SLCO1C1: variants seen among roughly 807,000 people sequenced by gnomAD.
SLCO1C1 encodes OAT-RP-5.
A neutral mutation model predicts 76.4 loss-of-function variants in SLCO1C1; 70 were observed. The observed-to-expected ratio is 0.92, with a 90% CI of 0.76 to 1.12. The LOEUF is 1.12. Ranked by LOEUF, SLCO1C1 falls within the 50% of genes most tolerant of loss-of-function variation. The probability of loss-of-function intolerance (pLI) is 0.00; values close to 1 mark genes in which losing one functional copy is unlikely to be tolerated. For synonymous variants in SLCO1C1, 306 were observed against 286.1 expected (o/e 1.07, Z -0.70); for missense variants, 912 against 823.8 (o/e 1.11, Z -1.31).
intron 14 of SLCO1C1, 195 bp downstream of exon 14, chr12:20,750,987 T>A (rs1949277777): frequency 2.0e-6 from 2 of 1,018,782 alleles, no homozygotes; most frequent in East Asian, 5.3e-5. Flanking sequence ...CCCTATTCAT[T>A]ACCTTGACCC....
chr12:20,711,507 A>G lies in SLCO1C1; in HGVS notation c.526A>G (p.Asn176Asp). 2 of 1,613,518 alleles carry G rather than the reference A, an allele frequency of 1.2e-6. No homozygotes were observed. Among genetic ancestry groups the G allele is most frequent in the Non-Finnish European group, 1.7e-6 (2 of 1,179,764 alleles). The change falls in exon 5 of 15, where the codon AAC (asparagine) becomes GAC (aspartate). Residue 176 changes from asparagine (N) to aspartate (D), a missense_variant. Asn to Asp is a conservative substitution (Grantham distance 23). Coordinates refer to ENST00000266509, the MANE Select transcript of SLCO1C1 (RefSeq NM_017435.5). Reference protein sequence around the residue: ...VMEKSKSKISNECEVDTSSSM... With the variant: ...VMEKSKSKISDECEVDTSSSM... The stretch of plus-strand genomic sequence containing the variant: ...GGAAAAATCAAAATCCAAAATAAGT[A>G]ACGGTAAGATCATTTTTTTGACTTG...
At chr12:20,750,865 C>G in intron 14 of SLCO1C1, 73 bp downstream of exon 14, 1 of 1,613,854 alleles carries the variant, frequency 6.2e-7, no homozygotes, top group Admixed American at 1.7e-5. Context: ...CTGACACTAA[C>G]AAGTTTTCAT....
rs73085073 is a variant in SLCO1C1, at chr12:20,723,051, C to T, written c.1022-39C>T. The T allele has an allele frequency of 6.8e-3, 10,703 of 1,569,240 alleles. 53 individuals are homozygous for T. Among genetic ancestry groups the T allele is most frequent in the Non-Finnish European group, 8.3e-3 (9,583 of 1,151,454 alleles). ...CGGCTACTTCTTCTTCCATGCGTGA[C>T]ACCAACTTTAATTAGTCTATGTTAT... On this transcript the variant is annotated intron_variant, in intron 8 of 14. Transcript: ENST00000266509.
intron 10 of SLCO1C1, among the ~76,000 whole-genome samples, chr12:20,733,571 T>G (rs1799550522): frequency 6.6e-6 from 1 of 152,224 alleles, no homozygotes; most frequent in Admixed American, 6.5e-5. Context: ...AATGTGCCAT[T>G]CATGGAAACA....
chr12:20,702,483 T>A (rs770087589), intron 3 of SLCO1C1, among the ~76,000 whole-genome samples: 1 of 151,950 alleles, frequency 6.6e-6, no homozygotes, highest in Non-Finnish European at 1.5e-5. Context: ...TTTAAAAATC[T>A]TTTTTTAAAA....
chr12:20,720,005 T>C (rs917144128), intron 7 of SLCO1C1, among the ~76,000 whole-genome samples: 1 of 152,230 alleles, frequency 6.6e-6, no homozygotes, highest in African/African-American at 2.4e-5. Flanking sequence ...GGTGACTCTC[T>C]TGTTAGGGGC....
In SLCO1C1 at chr12:20,711,401, A is replaced by G. The variant is rs748780363; in HGVS notation, c.420A>G (p.Arg140=). The G allele has an allele frequency of 6.2e-7, 1 of 1,612,964 alleles. No individual in the cohort carries two copies. Reference sequence around the variant, plus strand: ...TCTTATGCAGGTACAAATATGAGAGATATTCTCCTTCCTCCAATTCCACTC... The same window carrying G: ...TCTTATGCAGGTACAAATATGAGAGGTATTCTCCTTCCTCCAATTCCACTC... ...QFFMEQYKYE[R]YSPSSNSTLS... The change falls in exon 5 of 15, where the codon AGA becomes AGG. Residue 140 remains arginine, a synonymous_variant. Coordinates refer to ENST00000266509, the MANE Select transcript of SLCO1C1 (RefSeq NM_017435.5).
At chr12:20,730,951 A>G (rs142671615) in intron 9 of SLCO1C1, among the ~76,000 whole-genome samples, 1 of 152,162 alleles carries the variant, frequency 6.6e-6, no homozygotes, top group Non-Finnish European at 1.5e-5. Flanking sequence ...CAGACTGGCA[A>G]CGCTTGCATT....
intron 5 of SLCO1C1, among the ~76,000 whole-genome samples, chr12:20,714,783 CTT>C (rs1368464957): frequency 6.6e-6 from 1 of 152,104 alleles, no homozygotes; most frequent in African/African-American, 2.4e-5. Flanking sequence ...GTGAGAAAGA[CTT>C]TGTTCAAAAT....
chr12:20,740,722 T>A (rs904883390), intron 12 of SLCO1C1, among the ~76,000 whole-genome samples: 4 of 143,710 alleles, frequency 2.8e-5, no homozygotes, highest in African/African-American at 1.0e-4. Flanking sequence ...CACCAAGTCA[T>A]GGGAAATAGA....
chr12:20,747,704 T>G (rs2120925007), intron 13 of SLCO1C1, among the ~76,000 whole-genome samples: 1 of 152,332 alleles, frequency 6.6e-6, no homozygotes, highest in African/African-American at 2.4e-5. Context: ...GTTTGGTTTT[T>G]GAGGCACCAA....
intron 13 of SLCO1C1, among the ~76,000 whole-genome samples, chr12:20,745,076 G>A (rs1465431878): frequency 6.6e-6 from 1 of 152,078 alleles, no homozygotes; most frequent in African/African-American, 2.4e-5. Context: ...ATGTGCTAAG[G>A]CATTTTGCTC....
At chr12:20,705,904 T>C (rs1477283784) in intron 3 of SLCO1C1, 45 bp from the exon 4 acceptor site, 2 of 1,597,804 alleles carry the variant, frequency 1.3e-6, no homozygotes, top group East Asian at 2.2e-5. Flanking sequence ...TGTTGACTTC[T>C]TTCTAAGTTC....
intron 10 of SLCO1C1, 68 bp from the exon 11 acceptor site, chr12:20,737,039 A>AT (rs1289106894): frequency 9.0e-6 from 12 of 1,335,066 alleles, no homozygotes; most frequent in Non-Finnish European, 1.1e-5. Flanking sequence ...AAGAACATTG[A>AT]TTTTTTGAAA....
At chr12:20,725,552 A>T (rs1947937884) in intron 9 of SLCO1C1, among the ~76,000 whole-genome samples, 1 of 147,626 alleles carries the variant, frequency 6.8e-6, no homozygotes, top group African/African-American at 2.5e-5. Flanking sequence ...CACTATGCTC[A>T]TTTTTCATGG....
At chr12:20,744,884 G>A (rs993184571) in intron 13 of SLCO1C1, among the ~76,000 whole-genome samples, 1 of 152,088 alleles carries the variant, frequency 6.6e-6, no homozygotes, top group Non-Finnish European at 1.5e-5. Flanking sequence ...AATGTCCATC[G>A]GTAGGAGACT....
chr12:20,748,042 G>A (rs1293843684), intron 13 of SLCO1C1, among the ~76,000 whole-genome samples: 1 of 151,996 alleles, frequency 6.6e-6, no homozygotes, highest in East Asian at 1.9e-4. Flanking sequence ...TTTTAATCTG[G>A]TGATTCTTGC....
chr12:20,723,183 T>C lies in SLCO1C1; in HGVS notation c.1115T>C (p.Met372Thr). Residue 372 changes from methionine (M) to threonine (T), a missense_variant, in exon 9 of 15, where the codon ATG (methionine) becomes ACG (threonine). By Grantham distance (81) the Met-to-Thr change is moderately conservative (BLOSUM62 -1). Coordinates refer to ENST00000266509, the MANE Select transcript of SLCO1C1 (RefSeq NM_017435.5). ...STVQFNSLFG[M>T]VTYKPKYIEQ... is the part of the protein sequence containing the mutation. ...GTTCAGTTCAATTCTCTGTTCGGCA[T>C]GGTGACGTACAAACCAAAGTACATT... The C allele has an allele frequency of 1.9e-6, 3 of 1,614,168 alleles. No individual in the cohort carries two copies. Among genetic ancestry groups the C allele is most frequent in the Non-Finnish European group, 2.5e-6 (3 of 1,180,008 alleles).
chr12:20,742,742 G>A (rs902375698), intron 12 of SLCO1C1, among the ~76,000 whole-genome samples: 20 of 148,926 alleles, frequency 1.3e-4, no homozygotes, highest in Non-Finnish European at 2.1e-4. Flanking sequence ...GGGTTTCACC[G>A]TGTTAGCCAG....
Sources: allele counts gnomAD v4.1 joint callset (sites outside exome capture counted in the v4.1 genomes callset), GRCh38; gene constraint gnomAD v4.1.1; transcripts MANE v1.5; gene names NCBI Gene and HGNC (gene_info 2026-07-23, HGNC 2026-07-21).